BNC2: variants seen among roughly 807,000 people sequenced by gnomAD.
The protein encoded by BNC2 is basonuclin zinc finger protein 2.
In BNC2, 20 loss-of-function variants were observed where a neutral mutation model predicts 76.3. The ratio of observed to expected loss-of-function variants is 0.26; its 90% CI spans 0.18 to 0.38. The LOEUF is 0.38. Among genes scored for constraint, BNC2 ranks in the 10% least tolerant of loss-of-function variants. The pLI, the probability that BNC2 is intolerant of heterozygous loss-of-function variation, is 1.00. For missense variants in BNC2, 1,382 were observed against 1,399.8 expected (o/e 0.99, Z 0.20); for synonymous variants, 582 against 514.8 (o/e 1.13, Z -1.77).
At chr9:16,608,587 C>T (rs1338744496) in intron 3 of BNC2, among the ~76,000 whole-genome samples, 1 of 152,128 alleles carries the variant, frequency 6.6e-6, no homozygotes, top group African/African-American at 2.4e-5. Flanking sequence ...CTCACTGCAG[C>T]CTTGAACTCC....
At chr9:16,690,370 T>C (rs1823121417) in intron 3 of BNC2, among the ~76,000 whole-genome samples, 1 of 152,132 alleles carries the variant, frequency 6.6e-6, no homozygotes, top group Non-Finnish European at 1.5e-5. Flanking sequence ...CCTAGGAGGA[T>C]TACTTAAGCC....
At chr9:16,601,596 A>C (rs1434005141) in intron 3 of BNC2, among the ~76,000 whole-genome samples, 1 of 152,184 alleles carries the variant, frequency 6.6e-6, no homozygotes, top group Non-Finnish European at 1.5e-5. Flanking sequence ...TTGAAGCAAG[A>C]TCCTACTACA....
chr9:16,799,651 G>C (rs1397263595), intron 1 of BNC2, among the ~76,000 whole-genome samples: 1 of 152,056 alleles, frequency 6.6e-6, no homozygotes, highest in Non-Finnish European at 1.5e-5. Context: ...TGTATTTACA[G>C]AACTAACTCA....
intron 5 of BNC2, among the ~76,000 whole-genome samples, chr9:16,442,156 G>T (rs1193223593): frequency 6.6e-6 from 1 of 152,166 alleles, no homozygotes; most frequent in Non-Finnish European, 1.5e-5. Flanking sequence ...GATTTACCCT[G>T]TTAAGTTAAA....
chr9:16,810,297 T>G (rs1185729819), intron 1 of BNC2, among the ~76,000 whole-genome samples: 1 of 151,998 alleles, frequency 6.6e-6, no homozygotes, highest in Non-Finnish European at 1.5e-5. Context: ...TTGGCAGGGG[T>G]GGGGCTAGAA....
intron 4 of BNC2, among the ~76,000 whole-genome samples, chr9:16,563,552 C>T (rs1251106268): frequency 6.6e-6 from 1 of 152,046 alleles, no homozygotes; most frequent in Admixed American, 6.6e-5. Context: ...CTGAGTAATA[C>T]GTAGGATGGT....
At chr9:16,854,765 T>C (rs1176682696) in intron 1 of BNC2, among the ~76,000 whole-genome samples, 1 of 151,686 alleles carries the variant, frequency 6.6e-6, no homozygotes, top group South Asian at 2.1e-4. Context: ...TTGAGAATAT[T>C]AACGTATCTA....
intron 1 of BNC2, among the ~76,000 whole-genome samples, chr9:16,812,765 A>AT (rs1482530882): frequency 6.6e-6 from 1 of 152,228 alleles, no homozygotes; most frequent in Non-Finnish European, 1.5e-5. Context: ...ACGTTTAGCT[A>AT]TAACTTCTGA....
intron 4 of BNC2, among the ~76,000 whole-genome samples, chr9:16,578,947 T>G (rs549538003): frequency 6.6e-6 from 1 of 152,248 alleles, no homozygotes; most frequent in African/African-American, 2.4e-5. Context: ...TTCTGGCCCA[T>G]CAACTAAATT....
At chr9:16,592,923 C>T (rs928539999) in intron 3 of BNC2, among the ~76,000 whole-genome samples, 1 of 151,980 alleles carries the variant, frequency 6.6e-6, no homozygotes, top group Non-Finnish European at 1.5e-5. Context: ...ATATTAAAAC[C>T]TAATATATCC....
intron 5 of BNC2, among the ~76,000 whole-genome samples, chr9:16,462,780 CAAAG>C (rs1821613464): frequency 6.6e-6 from 1 of 152,114 alleles, no homozygotes; most frequent in African/African-American, 2.4e-5. Context: ...CCTCCTTTGA[CAAAG>C]AGATGCCCCT....
chr9:16,853,406 C>CA (rs34704088), intron 1 of BNC2, among the ~76,000 whole-genome samples: 1,176 of 86,874 alleles, frequency 0.014, 13 homozygotes, highest in African/African-American at 0.036. Context: ...GACCTTGTCT[C>CA]AAAAAAAAAA....
intron 3 of BNC2, among the ~76,000 whole-genome samples, chr9:16,679,088 G>C (rs1024270323): frequency 3.3e-5 from 5 of 152,198 alleles, no homozygotes; most frequent in Admixed American, 2.0e-4. Context: ...CACAGAGCGA[G>C]GGCACCTAAT....
chr9:16,660,197 G>C (rs888225601), intron 3 of BNC2, among the ~76,000 whole-genome samples: 2 of 152,222 alleles, frequency 1.3e-5, no homozygotes, highest in Non-Finnish European at 2.9e-5. Context: ...GCTCAAGCCT[G>C]TAATCCCAGC....
At chr9:16,471,868 T>C (rs1821833300) in intron 5 of BNC2, among the ~76,000 whole-genome samples, 1 of 152,110 alleles carries the variant, frequency 6.6e-6, no homozygotes, top group Admixed American at 6.6e-5. Flanking sequence ...GGGAGGTAAC[T>C]GAATCATGGG....
chr9:16,624,365 A>G (rs1237731414), intron 3 of BNC2, among the ~76,000 whole-genome samples: 1 of 152,114 alleles, frequency 6.6e-6, no homozygotes, highest in African/African-American at 2.4e-5. Context: ...TGGCAACAAC[A>G]CCAGATGTAT....
intron 5 of BNC2, among the ~76,000 whole-genome samples, chr9:16,465,388 A>G (rs1372051160): frequency 2.1e-5 from 3 of 145,266 alleles, no homozygotes; most frequent in Non-Finnish European, 3.0e-5. Flanking sequence ...ATGAGCTGAG[A>G]TTGTGCAACT....
At chr9:16,765,733 T>C (rs1825671510) in intron 1 of BNC2, among the ~76,000 whole-genome samples, 1 of 151,980 alleles carries the variant, frequency 6.6e-6, no homozygotes, top group Non-Finnish European at 1.5e-5. Context: ...TTAAGCTTAG[T>C]ATGTGAAGTC....
intron 5 of BNC2, among the ~76,000 whole-genome samples, chr9:16,485,139 A>AT (rs963314379): frequency 3.1e-4 from 47 of 149,888 alleles, no homozygotes; most frequent in Admixed American, 1.5e-3. Flanking sequence ...CACTATTTCT[A>AT]TTTTTTTTCT....
Sources: allele counts gnomAD v4.1 joint callset (sites outside exome capture counted in the v4.1 genomes callset), GRCh38; gene constraint gnomAD v4.1.1; transcripts MANE v1.5; gene names NCBI Gene and HGNC (gene_info 2026-07-23, HGNC 2026-07-21).